KCNU1: variants seen among roughly 807,000 people sequenced by gnomAD.
KCNU1 encodes the protein potassium channel subfamily U member 1.
A neutral mutation model predicts 126.8 loss-of-function variants in KCNU1; 93 were observed. That is an observed-to-expected ratio of 0.73 (90% CI 0.62 to 0.87). The LOEUF (loss-of-function observed/expected upper bound fraction) is 0.87. Ranked by LOEUF, KCNU1 falls within the 40% of genes least tolerant of loss-of-function variation. The pLI, the probability that KCNU1 is intolerant of heterozygous loss-of-function variation, is 0.00. For synonymous variants in KCNU1, 523 were observed against 494.2 expected (o/e 1.06, Z -0.77); for missense variants, 1,330 against 1,367.1 (o/e 0.97, Z 0.43).
At chr8:36,901,484 T>C (rs1175300497) in intron 19 of KCNU1, among the ~76,000 whole-genome samples, 1 of 152,110 alleles carries the variant, frequency 6.6e-6, no homozygotes, top group Non-Finnish European at 1.5e-5. Flanking sequence ...CACGTTCTGC[T>C]CATGAGGCAA....
rs1054267549 is a variant in KCNU1, at chr8:36,935,562, A to G, written c.3092A>G (p.Asp1031Gly). The G allele has an allele frequency of 1.9e-6, 3 of 1,612,556 alleles. No homozygotes were observed. The highest frequency in any genetic ancestry group is 2.5e-6 in the Non-Finnish European group (3 of 1,179,024). ...PANEFKLLPSDLVFCAIPFST... is the reference protein window; with the variant it reads ...PANEFKLLPSGLVFCAIPFST... ...AATGAGTTCAAGCTGCTGCCTTCAGATCTTGTGTTTTGTGCCATACCCTTC... is the reference window on the plus strand; with the variant it reads ...AATGAGTTCAAGCTGCTGCCTTCAGGTCTTGTGTTTTGTGCCATACCCTTC... The change falls in exon 27 of 27, where the codon GAT (aspartate) becomes GGT (glycine). Residue 1031 changes from aspartate to glycine, a missense_variant. Asp to Gly is a moderately conservative substitution (Grantham distance 94). Around this residue, in one of 3 missense-constraint regions of KCNU1, gnomAD observed 1,054 missense variants for 1,053.9 expected, o/e 1.00. Coordinates refer to ENST00000399881, the MANE Select transcript of KCNU1 (RefSeq NM_001031836.3).
intron 19 of KCNU1, among the ~76,000 whole-genome samples, chr8:36,887,442 G>GTTTTGT (rs1554513247): frequency 8.0e-6 from 1 of 124,988 alleles, no homozygotes; most frequent in Non-Finnish European, 1.6e-5. Context: ...TTGGCCATTT[G>GTTTTGT]TTTTTTTTTG....
chr8:36,930,805 A>G, intron 24 of KCNU1, 146 bp from the exon 25 acceptor site: 2 of 518,974 alleles, frequency 3.9e-6, no homozygotes, highest in South Asian at 4.0e-5. Flanking sequence ...CTTCAGCTGC[A>G]TTAGATAATA....
In KCNU1 at chr8:36,797,732, T is replaced by G. The variant is rs557359796; in HGVS notation, c.316-6295T>G. The stretch of plus-strand genomic sequence containing the variant: ...TTGAGTGTCCAAAAAAGTTTTTTTC[T>G]TGCTCTTACAAGTAAACAACAATGT... On this transcript the variant is annotated intron_variant, in intron 2 of 26. Coordinates refer to ENST00000399881, the MANE Select transcript of KCNU1 (RefSeq NM_001031836.3). 1.1e-3 allele frequency among the ~76,000 whole-genome samples: 169 copies of G among 152,266 alleles called. 2 individuals carry two copies. The highest frequency in any genetic ancestry group is 4.4e-4 in the Non-Finnish European group (30 of 68,018).
intron 19 of KCNU1, among the ~76,000 whole-genome samples, chr8:36,900,244 C>T (rs769950008): frequency 6.6e-6 from 1 of 152,088 alleles, no homozygotes; most frequent in African/African-American, 2.4e-5. Context: ...GAATTATGTC[C>T]CCAGTTGCTT....
At chr8:36,878,993 T>G (rs1010659133) in intron 19 of KCNU1, among the ~76,000 whole-genome samples, 14 of 147,916 alleles carry the variant, frequency 9.5e-5, no homozygotes, top group Non-Finnish European at 1.8e-4. Flanking sequence ...TGAAATTTAC[T>G]TAGCAACTAT....
intron 19 of KCNU1, among the ~76,000 whole-genome samples, chr8:36,893,005 AG>A (rs1181060817): frequency 2.6e-5 from 4 of 152,168 alleles, no homozygotes; most frequent in Non-Finnish European, 4.4e-5. Context: ...TTTGTCACCC[AG>A]GACAGCATGC....
chr8:36,895,327 C>A (rs1807145524), intron 19 of KCNU1, among the ~76,000 whole-genome samples: 2 of 152,034 alleles, frequency 1.3e-5, no homozygotes. Context: ...AATCTGCCCC[C>A]CTCAGCCTCC....
intron 19 of KCNU1, among the ~76,000 whole-genome samples, chr8:36,901,563 A>G (rs966757215): frequency 6.6e-6 from 1 of 152,012 alleles, no homozygotes; most frequent in Non-Finnish European, 1.5e-5. Context: ...GTCATCAGAA[A>G]GGAATGCTTA....
chr8:36,858,947 A>G (rs1408194402), intron 18 of KCNU1, among the ~76,000 whole-genome samples: 1 of 152,158 alleles, frequency 6.6e-6, no homozygotes, highest in Non-Finnish European at 1.5e-5. Flanking sequence ...CCCTATACTG[A>G]TCCCCAATCA....
At position 36,935,756 on chromosome 8, in the gene KCNU1, A is replaced by G. The variant is rs1278904100; in HGVS notation, c.3286A>G (p.Thr1096Ala). The change falls in exon 27 of 27, where the codon ACT (threonine) becomes GCT (alanine). Residue 1096 changes from threonine (T) to alanine (A), a missense_variant. Physicochemically the swap from Thr to Ala is moderately conservative, Grantham distance 58. Coordinates refer to ENST00000399881, the MANE Select transcript of KCNU1 (RefSeq NM_001031836.3). ...ACCAGTCTATTCTTACCAGCCGAGA[A>G]CTAACTCCCTCTCTTTTCCTAAGCA... ...YSPVYSYQPR[T>A]NSLSFPKQIA... The G allele has an allele frequency of 3.1e-6, 5 of 1,613,582 alleles. No homozygotes were observed. The highest frequency in any genetic ancestry group is 1.7e-5 in the Admixed American group (1 of 59,986).
intron 18 of KCNU1, 114 bp downstream of exon 18, chr8:36,846,013 A>G: frequency 1.5e-6 from 1 of 662,448 alleles, no homozygotes; most frequent in South Asian, 1.8e-5. Flanking sequence ...TTGGCCAGGA[A>G]GTGGCAGACA....
chr8:36,849,277 A>G (rs1463517990), intron 18 of KCNU1, among the ~76,000 whole-genome samples: 1 of 152,208 alleles, frequency 6.6e-6, no homozygotes, highest in Non-Finnish European at 1.5e-5. Context: ...TTATTCAGCC[A>G]TGCTGTAGCA....
Position 36,806,904 on chromosome 8 carries a change from A to G in KCNU1, c.581-471A>G, listed in dbSNP as rs150582099. Among the ~76,000 whole-genome samples the G allele has an allele frequency of 3.8e-3, 574 of 152,312 alleles. 3 individuals are homozygous for G. The highest frequency in any genetic ancestry group is 6.9e-3 in the Non-Finnish European group (466 of 68,026). On this transcript the variant is annotated intron_variant, in intron 5 of 26. Transcript: ENST00000399881. ...ATGAATTCCATTCCTTGCTAATGTT[A>G]TTATCATACCACCTAAAGTAAAACA...
chr8:36,897,342 C>T (rs1409511553), intron 19 of KCNU1, among the ~76,000 whole-genome samples: 5 of 151,794 alleles, frequency 3.3e-5, no homozygotes, highest in Admixed American at 6.6e-5. Flanking sequence ...TTTTTTCTCT[C>T]CCCCCATAAA....
intron 22 of KCNU1, among the ~76,000 whole-genome samples, chr8:36,912,378 A>C (rs970880824): frequency 2.0e-5 from 3 of 152,196 alleles, no homozygotes; most frequent in African/African-American, 7.2e-5. Context: ...ACCTTCACTA[A>C]GCAACCAATC....
chr8:36,893,144 G>GTT (rs34766611), intron 19 of KCNU1, among the ~76,000 whole-genome samples: 397 of 144,614 alleles, frequency 2.7e-3, no homozygotes, highest in Non-Finnish European at 3.5e-3. Flanking sequence ...GTTTTTTTTT[G>GTT]TTTTTTTTTT....
chr8:36,837,086 A>C (rs1206854713), intron 14 of KCNU1, 141 bp downstream of exon 14: 1 of 756,512 alleles, frequency 1.3e-6, no homozygotes, highest in East Asian at 2.5e-5. Flanking sequence ...GGAAGGGATT[A>C]GAAGATCTGA....
chr8:36,879,207 G>GTATATA (rs1482123765), intron 19 of KCNU1, among the ~76,000 whole-genome samples: 9 of 53,856 alleles, frequency 1.7e-4, no homozygotes, highest in Non-Finnish European at 2.4e-4. Flanking sequence ...GTGTGTGTGT[G>GTATATA]TGTGTATATA....
Sources: allele counts gnomAD v4.1 joint callset (sites outside exome capture counted in the v4.1 genomes callset), GRCh38; gene constraint gnomAD v4.1.1; regional missense constraint gnomAD v4.1.1; transcripts MANE v1.5; gene names NCBI Gene and HGNC (gene_info 2026-07-23, HGNC 2026-07-21).